Variants in SLC6A6 observed in about 807,000 individuals in gnomAD.
SLC6A6 encodes the protein solute carrier family 6 member 6, also known as sodium- and chloride-dependent taurine transporter.
A neutral mutation model predicts 68.8 loss-of-function variants in SLC6A6; 16 were observed. The observed-to-expected ratio is 0.23, with a 90% CI of 0.16 to 0.35. The LOEUF (loss-of-function observed/expected upper bound fraction) is 0.35. Ranked by LOEUF, SLC6A6 falls within the 10% of genes least tolerant of loss-of-function variation. The pLI, the probability that SLC6A6 is intolerant of heterozygous loss-of-function variation, is 1.00. For synonymous variants in SLC6A6, 312 were observed against 315.4 expected, an observed-to-expected ratio of 0.99 and a Z score of 0.12; for missense variants, 474 against 802.8, an observed-to-expected ratio of 0.59 and a Z score of 4.95.
Position 14,463,549 on chromosome 3 carries a change from G to A in SLC6A6, c.733-2967G>A, listed in dbSNP as rs9854475. Among the ~76,000 whole-genome samples the A allele has an allele frequency of 9.2e-3, 1,409 of 152,364 alleles. 24 individuals carry two copies. Among genetic ancestry groups the A allele is most frequent in the African/African-American group, 0.032 (1,349 of 41,590 alleles). On this transcript the variant is annotated intron_variant, in intron 6 of 14. Transcript: ENST00000622186. Reference sequence around the variant, plus strand: ...GACCCCTGCGGGGCTGCTGTCAGCAGCTATTGTTCGCCAGCCCGGGTGTGG... The same window carrying A: ...GACCCCTGCGGGGCTGCTGTCAGCAACTATTGTTCGCCAGCCCGGGTGTGG...
rs1295712165 is a variant in SLC6A6, at chr3:14,443,497, G to A, written c.-11-127G>A. The A allele has an allele frequency of 3.2e-5, 21 of 651,744 alleles. No homozygotes were observed. In the Admixed American group the frequency reaches 5.5e-4, roughly 17 times the overall value. 40.4% of individuals were successfully genotyped at this position (651,744 alleles called of 1,614,324 possible). ...GTCAAAGCATTGGACAGACAGGGATGCCAGGCCCCTTGCCACAGGCCCGGG... is the reference window on the plus strand; with the variant it reads ...GTCAAAGCATTGGACAGACAGGGATACCAGGCCCCTTGCCACAGGCCCGGG... On this transcript the variant is annotated intron_variant, in intron 2 of 14. Coordinates refer to ENST00000622186, the MANE Select transcript of SLC6A6 (RefSeq NM_003043.6).
rs558392893 is a variant in SLC6A6 at position 14,468,495 on chromosome 3, C to A, written c.1096+283C>A. Among the ~76,000 whole-genome samples the A allele has an allele frequency of 1.3e-5, 2 of 152,084 alleles. No individual in the cohort carries two copies. The highest frequency in any genetic ancestry group is 2.4e-5 in the African/African-American group (1 of 41,388). ...CTTAGTGTGGTCTTCCCCGCCCCCC[C>A]GTCCTTCCCCAGCAAACTCCTGGTT... is the stretch of plus-strand genomic sequence containing the variant. On this transcript the variant is annotated intron_variant, in intron 9 of 14. Coordinates refer to ENST00000622186, the MANE Select transcript of SLC6A6 (RefSeq NM_003043.6). This position sits in a 1 kb window ranked among gnomAD's most constrained non-coding sequence, Gnocchi z 4.5.
intron 9 of SLC6A6, among the ~76,000 whole-genome samples, chr3:14,470,932 A>G (rs1481538424): frequency 6.6e-6 from 1 of 152,154 alleles, no homozygotes; most frequent in Non-Finnish European, 1.5e-5. Flanking sequence ...TATTTTGGTC[A>G]GGTTTTCTCT....
chr3:14,410,308 T>G (rs947250158), intron 1 of SLC6A6, among the ~76,000 whole-genome samples: 1 of 152,110 alleles, frequency 6.6e-6, no homozygotes, highest in African/African-American at 2.4e-5. Context: ...AAAGGGTTAA[T>G]GCCTCCACCT....
chr3:14,420,489 CTTTTTT>C (rs763732632), intron 2 of SLC6A6, among the ~76,000 whole-genome samples: 6 of 128,100 alleles, frequency 4.7e-5, no homozygotes, highest in African/African-American at 1.9e-4. Flanking sequence ...AACCACTCTG[CTTTTTT>C]TTTTTTTTTT....
In SLC6A6 at chr3:14,477,959, C is replaced by T. The variant is rs1700917365; in HGVS notation, c.1348-507C>T. On this transcript the variant is annotated intron_variant, in intron 11 of 14. Transcript: ENST00000622186. This position sits in a 1 kb window ranked among gnomAD's most constrained non-coding sequence, Gnocchi z 4.2. ...TAAAGATTGTACTAAGAATGGAAGC[C>T]TAGCATCAAAGCCAGGGCACGCTCT... is the stretch of plus-strand genomic sequence containing the variant. 6.6e-6 allele frequency among the ~76,000 whole-genome samples: 1 copy of T among 152,158 alleles called. No homozygotes were observed. The highest frequency in any genetic ancestry group is 2.4e-5 in the African/African-American group (1 of 41,434).
intron 10 of SLC6A6, among the ~76,000 whole-genome samples, chr3:14,474,585 A>C (rs1395615162): frequency 6.6e-6 from 1 of 152,168 alleles, no homozygotes; most frequent in Non-Finnish European, 1.5e-5. Context: ...GAACTCCTTA[A>C]GCTGCAGTGT....
intron 2 of SLC6A6, among the ~76,000 whole-genome samples, chr3:14,417,618 G>T (rs1478463838): frequency 6.6e-6 from 1 of 152,068 alleles, no homozygotes; most frequent in Non-Finnish European, 1.5e-5. Flanking sequence ...TGTAGTTCCA[G>T]CTACTCGGGA....
At chr3:14,416,510 C>G (rs1175201691) in intron 2 of SLC6A6, 57 bp downstream of exon 2, 5 of 398,436 alleles carry the variant, frequency 1.3e-5, no homozygotes, top group Non-Finnish European at 2.2e-5. Context: ...TGCAGTGACC[C>G]AAGGTGGGGG....
In SLC6A6 at chr3:14,477,116, T is replaced by C; in HGVS notation, c.1210-89T>C. The C allele has an allele frequency of 8.1e-7, 1 of 1,232,764 alleles. No homozygotes were observed. Among genetic ancestry groups the C allele is most frequent in the South Asian group, 1.3e-5 (1 of 74,866 alleles). The allele number at this position is 1,232,764 out of a possible 1,614,324, so 76.4% of individuals were successfully genotyped here. Reference sequence around the variant, plus strand: ...AGGATGGTCACGTCTGCTCCTGCATTGTGTGTTCCTGGGCCCTTCCCTCCG... The same window carrying C: ...AGGATGGTCACGTCTGCTCCTGCATCGTGTGTTCCTGGGCCCTTCCCTCCG... On this transcript the variant is annotated intron_variant, in intron 10 of 14. Coordinates refer to ENST00000622186, the MANE Select transcript of SLC6A6 (RefSeq NM_003043.6). This position sits in a 1 kb window ranked among gnomAD's most constrained non-coding sequence, Gnocchi z 4.2.
At chr3:14,476,472 T>A (rs376741570) in intron 10 of SLC6A6, among the ~76,000 whole-genome samples, 167 of 152,314 alleles carry the variant, frequency 1.1e-3, no homozygotes, top group African/African-American at 3.8e-3. Context: ...CAGCTTCTTT[T>A]CCTTTGGGAG....
chr3:14,453,580 T>TA (rs1176181503), intron 5 of SLC6A6, among the ~76,000 whole-genome samples: 4 of 152,210 alleles, frequency 2.6e-5, no homozygotes, highest in Non-Finnish European at 5.9e-5. Flanking sequence ...GAGCACCTAT[T>TA]AGGTACCAGG....
At position 14,485,286 on chromosome 3, in the gene SLC6A6, T is replaced by G; in HGVS notation, c.*279T>G. On this transcript the variant is annotated 3_prime_UTR_variant, in exon 15 of 15. Transcript: ENST00000622186. ...AGCTTTCATACTGAATTAGATGTAT[T>G]TTATGGGAATTTGGTAAATTTTTCT... 1 of 274,974 alleles carries G rather than the reference T, an allele frequency of 3.6e-6. No individual in the cohort carries two copies. Among genetic ancestry groups the G allele is most frequent in the Non-Finnish European group, 6.8e-6 (1 of 147,686 alleles). The allele number at this position is 274,974 out of a possible 1,614,324, so 17.0% of individuals were successfully genotyped here. A position where few individuals can be genotyped will look rare whatever the true frequency, so the allele number is the denominator to read the frequency against.
chr3:14,471,849 C>T (rs1160994995), intron 9 of SLC6A6, among the ~76,000 whole-genome samples: 1 of 152,258 alleles, frequency 6.6e-6, no homozygotes, highest in Non-Finnish European at 1.5e-5. Context: ...CAAAGGCTGT[C>T]CACTCAATGG....
In SLC6A6 at chr3:14,416,425, A is replaced by G. The variant is rs1699364473; in HGVS notation, c.-40A>G. 1 of 398,532 alleles carries G rather than the reference A, an allele frequency of 2.5e-6. No individual in the cohort carries two copies. The highest frequency in any genetic ancestry group is 1.3e-4 in the South Asian group (1 of 7,858). The allele number at this position is 398,532 out of a possible 1,614,324, so 24.7% of individuals were successfully genotyped here. On this transcript the variant is annotated 5_prime_UTR_variant, in exon 2 of 15. Transcript: ENST00000622186. ...TCTTTGCAATAGATCCAGAACCAGA[A>G]CCACAGCCCTTCTGAGGAGCTCCCA... is the stretch of plus-strand genomic sequence containing the variant.
At chr3:14,417,139 CGTGGGCAACAT>C in intron 2 of SLC6A6, among the ~76,000 whole-genome samples, 1 of 151,558 alleles carries the variant, frequency 6.6e-6, no homozygotes, top group Non-Finnish European at 1.5e-5. Flanking sequence ...TCGAGACCAG[CGTGGGCAACAT>C]AATGAGCCCC....
intron 10 of SLC6A6, among the ~76,000 whole-genome samples, chr3:14,475,948 G>A (rs969206201): frequency 2.6e-5 from 4 of 152,184 alleles, no homozygotes; most frequent in African/African-American, 9.7e-5. Context: ...CTCCCCGTTT[G>A]TGTTCCTTCC....
chr3:14,458,612 G>C (rs1002069388), intron 6 of SLC6A6, among the ~76,000 whole-genome samples: 1 of 152,204 alleles, frequency 6.6e-6, no homozygotes, highest in Non-Finnish European at 1.5e-5. Flanking sequence ...AAACTCCAAG[G>C]CTGCGTTGTA....
chr3:14,470,920 T>C (rs1456190811), intron 9 of SLC6A6, among the ~76,000 whole-genome samples: 2 of 152,176 alleles, frequency 1.3e-5, no homozygotes, highest in South Asian at 4.1e-4. Flanking sequence ...TGCCCAAGGA[T>C]ATATTTTGGT....
Sources: gnomAD v4.1 joint callset for allele counts (sites outside exome capture counted in the v4.1 genomes callset) on GRCh38, gnomAD v4.1.1 for gene constraint, Gnocchi (gnomAD v3.1) non-coding constraint, MANE v1.5 for transcripts, NCBI Gene and HGNC (gene_info 2026-07-23, HGNC 2026-07-21) for gene names.